The following LRP1B variants were observed in gnomAD, a reference collection of about 807,000 sequenced individuals.
The protein encoded by LRP1B is LDL receptor related protein 1B.
A neutral mutation model predicts 556.6 loss-of-function variants in LRP1B; 217 were observed. The observed-to-expected ratio is 0.39, with a 90% CI of 0.35 to 0.44. The LOEUF is 0.44. Ranked by LOEUF, LRP1B falls within the 20% of genes least tolerant of loss-of-function variation. LRP1B has a pLI of 1.00. For synonymous variants in LRP1B, 2,047 were observed against 1,865.8 expected (o/e 1.10, Z -2.50); for missense variants, 5,053 against 5,620.8 (o/e 0.90, Z 3.23).
intron 5 of LRP1B, among the ~76,000 whole-genome samples, chr2:141,241,760 C>T (rs145330656): frequency 5.9e-5 from 9 of 152,026 alleles, no homozygotes; most frequent in East Asian, 1.9e-4. Flanking sequence ...ATTTCATGCA[C>T]GCATACGTGA....
chr2:141,107,857 CAA>C (rs1210182118), intron 7 of LRP1B, among the ~76,000 whole-genome samples: 2 of 151,908 alleles, frequency 1.3e-5, no homozygotes, highest in African/African-American at 4.8e-5. Flanking sequence ...ATTAGAATAG[CAA>C]AACACTATTA....
chr2:142,108,676 G>A (rs1706848348), intron 1 of LRP1B, among the ~76,000 whole-genome samples: 1 of 152,182 alleles, frequency 6.6e-6, no homozygotes, highest in Admixed American at 6.5e-5. Flanking sequence ...GACTGAGGAG[G>A]CTTGGACATT....
chr2:141,904,256 A>T (rs1699697278), intron 1 of LRP1B, among the ~76,000 whole-genome samples: 1 of 151,872 alleles, frequency 6.6e-6, no homozygotes, highest in Non-Finnish European at 1.5e-5. Context: ...CAGGCTGGGT[A>T]CAATGATGGT....
intron 6 of LRP1B, among the ~76,000 whole-genome samples, chr2:141,212,899 T>C (rs6715341): frequency 6.6e-6 from 1 of 152,162 alleles, no homozygotes; most frequent in African/African-American, 2.4e-5. Context: ...TAAACAAGAG[T>C]TATGTTGCTA....
At chr2:141,509,094 T>C (rs574714652) in intron 2 of LRP1B, among the ~76,000 whole-genome samples, 1 of 152,074 alleles carries the variant, frequency 6.6e-6, no homozygotes, top group Non-Finnish European at 1.5e-5. Context: ...GGTATCCATG[T>C]TTCCAATTTA....
chr2:141,575,013 G>C (rs1267782284), intron 2 of LRP1B, among the ~76,000 whole-genome samples: 2 of 152,006 alleles, frequency 1.3e-5, no homozygotes, highest in African/African-American at 4.8e-5. Flanking sequence ...TCAATATTGT[G>C]AAAATGGCCA....
At chr2:141,645,569 T>A (rs79733596) in intron 2 of LRP1B, among the ~76,000 whole-genome samples, 1 of 148,282 alleles carries the variant, frequency 6.7e-6, no homozygotes, top group African/African-American at 2.5e-5. Flanking sequence ...GTTTTAAGAA[T>A]CTCATATTTA....
chr2:141,780,770 A>G (rs1408433365), intron 2 of LRP1B, among the ~76,000 whole-genome samples: 2 of 152,286 alleles, frequency 1.3e-5, no homozygotes, highest in Admixed American at 6.5e-5. Flanking sequence ...TTAGCAAAGA[A>G]CAATAGCACT....
chr2:141,508,926 T>A (rs1404359249), intron 2 of LRP1B, among the ~76,000 whole-genome samples: 2 of 152,146 alleles, frequency 1.3e-5, no homozygotes, highest in Non-Finnish European at 2.9e-5. Flanking sequence ...TAGAGAAATA[T>A]AAAATGGAAT....
intron 41 of LRP1B, among the ~76,000 whole-genome samples, chr2:140,634,541 A>T (rs1684005093): frequency 6.6e-6 from 1 of 152,114 alleles, no homozygotes; most frequent in Non-Finnish European, 1.5e-5. Context: ...AGAACAAAGA[A>T]TGAGGGAAAG....
intron 83 of LRP1B, among the ~76,000 whole-genome samples, chr2:140,310,498 TACC>T (rs1684252439): frequency 6.7e-6 from 1 of 150,114 alleles, no homozygotes; most frequent in Non-Finnish European, 1.5e-5. Flanking sequence ...CTTCAAATTA[TACC>T]ACAAGTCTAT....
chr2:141,543,222 T>C (rs1057126158), intron 2 of LRP1B, among the ~76,000 whole-genome samples: 4 of 151,900 alleles, frequency 2.6e-5, no homozygotes, highest in African/African-American at 9.7e-5. Context: ...TTAAATATTA[T>C]ACAAGGCCAA....
At chr2:140,311,212 A>G (rs527312866) in intron 83 of LRP1B, among the ~76,000 whole-genome samples, 2 of 151,818 alleles carry the variant, frequency 1.3e-5, no homozygotes, top group Non-Finnish European at 2.9e-5. Context: ...CATTATATCA[A>G]AAACATATGG....
At chr2:140,821,903 G>C (rs1043130273) in intron 31 of LRP1B, among the ~76,000 whole-genome samples, 4 of 152,002 alleles carry the variant, frequency 2.6e-5, no homozygotes, top group African/African-American at 9.7e-5. Context: ...AGGAGGCTAA[G>C]GCAGGAGAAT....
intron 41 of LRP1B, among the ~76,000 whole-genome samples, chr2:140,667,739 A>T (rs975125346): frequency 6.6e-6 from 1 of 152,198 alleles, no homozygotes; most frequent in Admixed American, 6.5e-5. Flanking sequence ...CTCAGAGTTG[A>T]AAAGTGATTT....
chr2:140,442,774 T>A, intron 65 of LRP1B, 151 bp from the exon 66 acceptor site: 1 of 695,710 alleles, frequency 1.4e-6, no homozygotes, highest in Non-Finnish European at 2.3e-6. Context: ...TTTTAACTTT[T>A]AATTCCTTTT....
chr2:140,996,824 G>A (rs1353274600), intron 15 of LRP1B, among the ~76,000 whole-genome samples: 1 of 151,952 alleles, frequency 6.6e-6, no homozygotes, highest in African/African-American at 2.4e-5. Context: ...TATGTAGACA[G>A]AACGAAGAGA....
chr2:140,728,590 G>A (rs1199864146), intron 35 of LRP1B, among the ~76,000 whole-genome samples: 2 of 151,958 alleles, frequency 1.3e-5, no homozygotes, highest in South Asian at 2.1e-4. Context: ...TCAAACGTTC[G>A]GTTTCTAAAC....
chr2:140,804,712 C>T (rs1422244249), intron 32 of LRP1B, among the ~76,000 whole-genome samples: 3 of 88,292 alleles, frequency 3.4e-5, no homozygotes, highest in African/African-American at 4.5e-5. Flanking sequence ...TTTCAGTTAT[C>T]GGAGAGGTTA....
Sources: gnomAD v4.1 joint callset for allele counts (sites outside exome capture counted in the v4.1 genomes callset) on GRCh38, gnomAD v4.1.1 for gene constraint, MANE v1.5 for transcripts, NCBI Gene and HGNC (gene_info 2026-07-23, HGNC 2026-07-21) for gene names.